Variants in SHANK2 observed in about 807,000 individuals in gnomAD.
The protein encoded by SHANK2 is SH3 and multiple ankyrin repeat domains protein 2.
In SHANK2, 43 loss-of-function variants were observed where a neutral mutation model predicts 133.7. The ratio of observed to expected loss-of-function variants is 0.32; its 90% CI spans 0.25 to 0.41. The LOEUF (loss-of-function observed/expected upper bound fraction) is 0.41. Ranked by LOEUF, SHANK2 falls within the 10% of genes least tolerant of loss-of-function variation. The pLI, the probability that SHANK2 is intolerant of heterozygous loss-of-function variation, is 1.00. For synonymous variants in SHANK2, 1,017 were observed against 952.8 expected, an observed-to-expected ratio of 1.07 and a Z score of -1.24; for missense variants, 1,994 against 2,235.8, an observed-to-expected ratio of 0.89 and a Z score of 2.18.
intron 25 of SHANK2, among the ~76,000 whole-genome samples, chr11:70,482,574 G>A (rs1397122558): frequency 6.6e-6 from 1 of 152,212 alleles, no homozygotes; most frequent in East Asian, 1.9e-4. Flanking sequence ...CCTGCCTTCT[G>A]CTTCCTTGTT....
intron 22 of SHANK2, among the ~76,000 whole-genome samples, chr11:70,491,362 G>T (rs1027263466): frequency 3.9e-5 from 6 of 152,172 alleles, no homozygotes; most frequent in Non-Finnish European, 7.3e-5. Context: ...CAACTTGGTG[G>T]GGCATGTGGG....
intron 17 of SHANK2, among the ~76,000 whole-genome samples, chr11:70,633,361 G>A (rs1269969473): frequency 6.6e-6 from 1 of 151,652 alleles, no homozygotes; most frequent in African/African-American, 2.4e-5. Flanking sequence ...ACAGACCAGG[G>A]CAGAGAAGAC....
intron 10 of SHANK2, among the ~76,000 whole-genome samples, chr11:70,922,642 G>T (rs1950367575): frequency 6.6e-6 from 1 of 152,048 alleles, no homozygotes; most frequent in South Asian, 2.1e-4. Flanking sequence ...GCTAAATAAT[G>T]ACATTTTTGG....
At chr11:70,514,465 A>G (rs2059241751) in intron 17 of SHANK2, among the ~76,000 whole-genome samples, 1 of 152,250 alleles carries the variant, frequency 6.6e-6, no homozygotes, top group African/African-American at 2.4e-5. Context: ...AAAATAAAAG[A>G]TGATTCTCCC....
In SHANK2 at chr11:70,678,530, G is replaced by A. The variant is rs1015399034; in HGVS notation, c.1854-16852C>T. 1.2e-4 allele frequency among the ~76,000 whole-genome samples: 16 copies of A among 130,976 alleles called. 1 individual carries two copies. In the South Asian group the frequency reaches 3.5e-3, roughly 29 times the overall value. 85.9% of individuals were successfully genotyped at this position (130,976 alleles called of 152,430 possible). On this transcript the variant is annotated intron_variant, in intron 15 of 25. Coordinates refer to ENST00000601538, the MANE Select transcript of SHANK2 (RefSeq NM_012309.5). ...GCTCATTTCCAGTCTGCTAAGAACA[G>A]GCTTTTTTTTTTTTTTTTTTTTTTT...
intron 10 of SHANK2, among the ~76,000 whole-genome samples, chr11:70,913,526 G>A (rs774702334): frequency 7.2e-5 from 11 of 152,330 alleles, no homozygotes; most frequent in Non-Finnish European, 1.2e-4. Flanking sequence ...ACAGAGAAAG[G>A]AGAAGGGAGG....
rs1403211147 is a variant in SHANK2 at position 71,175,578 on chromosome 11, G to C, written c.-12-28240C>G. Among the ~76,000 whole-genome samples the C allele has an allele frequency of 4.4e-5, 6 of 136,320 alleles. No homozygotes were observed. The highest frequency in any genetic ancestry group is 7.7e-5 in the African/African-American group (3 of 39,030). 89.4% of individuals were successfully genotyped at this position (136,320 alleles called of 152,430 possible). On this transcript the variant is annotated intron_variant, in intron 2 of 25. Coordinates refer to ENST00000601538, the MANE Select transcript of SHANK2 (RefSeq NM_012309.5). The surrounding 1 kb of genome is among the most constrained non-coding windows in gnomAD (Gnocchi z 4.2). ...AGAGAGAGAGAGAGAGAGAGAGAGA[G>C]AGAGAGAGAGAGAGAGAGAGAGAGA...
chr11:70,897,905 C>CA (rs1337859377), intron 10 of SHANK2, among the ~76,000 whole-genome samples: 2 of 151,806 alleles, frequency 1.3e-5, no homozygotes, highest in Admixed American at 6.6e-5. Context: ...CTGCTGGCAG[C>CA]AGCAGGCTAT....
chr11:70,597,966 G>A (rs954797706), intron 17 of SHANK2, among the ~76,000 whole-genome samples: 1 of 152,204 alleles, frequency 6.6e-6, no homozygotes, highest in South Asian at 2.1e-4. Context: ...GGCCTTGCGG[G>A]CACCCCTGCA....
At chr11:70,849,747 T>C (rs1425436677) in intron 11 of SHANK2, among the ~76,000 whole-genome samples, 4 of 152,206 alleles carry the variant, frequency 2.6e-5, no homozygotes, top group Non-Finnish European at 5.9e-5. Flanking sequence ...AATCTGTTAA[T>C]AGCTGCCATT....
intron 3 of SHANK2, among the ~76,000 whole-genome samples, chr11:71,139,300 G>A (rs1267705983): frequency 1.8e-4 from 25 of 142,630 alleles, no homozygotes; most frequent in Non-Finnish European, 2.6e-4. Context: ...CCACAGCCCC[G>A]TTCTATTTTC....
intron 11 of SHANK2, among the ~76,000 whole-genome samples, chr11:70,876,835 G>C (rs1470977906): frequency 6.6e-6 from 1 of 152,102 alleles, no homozygotes; most frequent in Admixed American, 6.6e-5. Context: ...CATCAGAAGG[G>C]GCCAGCATGC....
intron 11 of SHANK2, chr11:70,863,519 G>C (rs1555068351): frequency 2.2e-6 from 1 of 457,992 alleles, no homozygotes; most frequent in Non-Finnish European, 4.4e-6. Flanking sequence ...TCGCCCACCT[G>C]CTCCCATGCA....
chr11:70,655,220 G>A (rs903111099), intron 17 of SHANK2, among the ~76,000 whole-genome samples: 2 of 152,232 alleles, frequency 1.3e-5, no homozygotes, highest in African/African-American at 4.8e-5. Context: ...CCAGCAAGGA[G>A]TATAGTCACA....
At chr11:70,828,403 A>G (rs1167668061) in intron 11 of SHANK2, among the ~76,000 whole-genome samples, 1 of 152,248 alleles carries the variant, frequency 6.6e-6, no homozygotes, top group African/African-American at 2.4e-5. Context: ...CCTACCATGC[A>G]TCACCGACTC....
chr11:71,220,447 C>T (rs782195678), intron 2 of SHANK2, among the ~76,000 whole-genome samples: 24 of 152,208 alleles, frequency 1.6e-4, no homozygotes, highest in East Asian at 3.9e-4. Flanking sequence ...CCTGAAAGAA[C>T]GGGTGGATAT....
At chr11:70,637,839 C>T (rs1297892064) in intron 17 of SHANK2, among the ~76,000 whole-genome samples, 1 of 152,248 alleles carries the variant, frequency 6.6e-6, no homozygotes, top group Non-Finnish European at 1.5e-5. Flanking sequence ...CAGCCAGCCT[C>T]AGGCTGACCA....
At chr11:70,662,924 A>AC (rs1317948966) in intron 15 of SHANK2, among the ~76,000 whole-genome samples, 78 of 150,904 alleles carry the variant, frequency 5.2e-4, no homozygotes, top group East Asian at 4.7e-3. Context: ...GGCTACCGGC[A>AC]CCCCCCCGCC....
At chr11:70,923,329 G>A (rs781859266) in intron 10 of SHANK2, among the ~76,000 whole-genome samples, 3 of 152,142 alleles carry the variant, frequency 2.0e-5, no homozygotes, top group South Asian at 2.1e-4. Context: ...CGCAACCTCC[G>A]CCTCCTGGGT....
Sources: allele counts gnomAD v4.1 joint callset (sites outside exome capture counted in the v4.1 genomes callset), GRCh38; gene constraint gnomAD v4.1.1; non-coding constraint Gnocchi (gnomAD v3.1); transcripts MANE v1.5; gene names NCBI Gene and HGNC (gene_info 2026-07-23, HGNC 2026-07-21).